Variants in ALCAM observed in about 807,000 individuals in gnomAD.
The protein encoded by ALCAM is CD166 antigen.
ALCAM carries 30 observed loss-of-function variants against 70.9 expected under a neutral mutation model. That is an observed-to-expected ratio of 0.42 (90% CI 0.32 to 0.57). The LOEUF is 0.57. Among genes scored for constraint, ALCAM ranks in the 20% least tolerant of loss-of-function variants. ALCAM has a pLI of 0.11. For synonymous variants in ALCAM, 249 were observed against 242.5 expected, an observed-to-expected ratio of 1.03 and a Z score of -0.25; for missense variants, 591 against 695.1, an observed-to-expected ratio of 0.85 and a Z score of 1.68.
chr3:105,377,076 G>A (rs1413604993), intron 1 of ALCAM, among the ~76,000 whole-genome samples: 1 of 152,012 alleles, frequency 6.6e-6, no homozygotes, highest in South Asian at 2.1e-4. Flanking sequence ...AAAAAATAAA[G>A]TGGAAACATA....
chr3:105,541,917 A>C, intron 8 of ALCAM, 152 bp downstream of exon 8: 2 of 1,052,870 alleles, frequency 1.9e-6, no homozygotes, highest in Non-Finnish European at 1.4e-6. Flanking sequence ...GGATAAGCTC[A>C]ACTTTGTCCA....
intron 1 of ALCAM, among the ~76,000 whole-genome samples, chr3:105,501,138 C>T (rs757044074): frequency 2.6e-5 from 4 of 152,130 alleles, no homozygotes; most frequent in Admixed American, 6.5e-5. Flanking sequence ...GCGAGTGCTT[C>T]GAAGGCTCTG....
At chr3:105,553,322 A>G (rs1245424929) in intron 14 of ALCAM, among the ~76,000 whole-genome samples, 1 of 151,826 alleles carries the variant, frequency 6.6e-6, no homozygotes, top group African/African-American at 2.4e-5. Flanking sequence ...CTAGATTCAG[A>G]TACCATTGAT....
intron 2 of ALCAM, 47 bp from the exon 3 acceptor site, chr3:105,524,242 C>T (rs1270915465): frequency 1.4e-6 from 2 of 1,449,530 alleles, no homozygotes; most frequent in Non-Finnish European, 9.5e-7. Context: ...AATCCTGAAA[C>T]ATCTGAATAT....
intron 1 of ALCAM, among the ~76,000 whole-genome samples, chr3:105,398,289 C>A (rs144719742): frequency 6.6e-6 from 1 of 152,080 alleles, no homozygotes; most frequent in Non-Finnish European, 1.5e-5. Flanking sequence ...GCAGCTCCCC[C>A]TCTTTCATTT....
intron 1 of ALCAM, among the ~76,000 whole-genome samples, chr3:105,455,920 C>G (rs576892745): frequency 2.6e-5 from 4 of 152,232 alleles, no homozygotes; most frequent in African/African-American, 9.6e-5. Flanking sequence ...GGAAACCCAT[C>G]TCTACTAAAA....
At position 105,427,689 on chromosome 3, in the gene ALCAM, T is replaced by C. The variant is rs867358221; in HGVS notation, c.73+60208T>C. ...GTACAATGTTTTTTACTCTGTGAAA[T>C]TGTAGGTAGAGTTTGGGTGTCTTTG... On this transcript the variant is annotated intron_variant, in intron 1 of 15. Transcript: ENST00000306107. Among the ~76,000 whole-genome samples the C allele has an allele frequency of 3.3e-5, 5 of 151,982 alleles. No individual in the cohort carries two copies. The South Asian group carries it at 1.0e-3, about 32-fold the overall frequency.
intron 14 of ALCAM, among the ~76,000 whole-genome samples, chr3:105,558,546 C>T (rs77960320): frequency 0.01 from 1,544 of 152,180 alleles, 18 homozygotes; most frequent in Middle Eastern, 0.027. Context: ...GGCATACTTA[C>T]GGGATACCCC....
intron 1 of ALCAM, among the ~76,000 whole-genome samples, chr3:105,495,539 G>A (rs1382223421): frequency 1.3e-5 from 2 of 151,916 alleles, no homozygotes; most frequent in African/African-American, 4.8e-5. Flanking sequence ...TTTAAACTCA[G>A]GCAATGAAAT....
chr3:105,414,001 A>C (rs1159446712), intron 1 of ALCAM, among the ~76,000 whole-genome samples: 1 of 152,246 alleles, frequency 6.6e-6, no homozygotes, highest in East Asian at 1.9e-4. Flanking sequence ...GGGGATGATG[A>C]ATGTTAATAA....
At chr3:105,512,845 A>G (rs993162646) in intron 1 of ALCAM, among the ~76,000 whole-genome samples, 8 of 151,918 alleles carry the variant, frequency 5.3e-5, no homozygotes, top group Non-Finnish European at 1.0e-4. Flanking sequence ...TCAAATCCTA[A>G]TTAGAAGTAT....
intron 1 of ALCAM, among the ~76,000 whole-genome samples, chr3:105,385,087 A>G (rs1935616840): frequency 6.6e-6 from 1 of 151,624 alleles, no homozygotes; most frequent in Non-Finnish European, 1.5e-5. Context: ...GATTCTTGGC[A>G]TGTAATCTAG....
chr3:105,562,625 G>C (rs895298728), intron 14 of ALCAM, among the ~76,000 whole-genome samples: 3 of 151,954 alleles, frequency 2.0e-5, no homozygotes, highest in Non-Finnish European at 2.9e-5. Context: ...ATCAAGTTTT[G>C]GTACTAGAAT....
At chr3:105,439,337 C>T (rs1288029828) in intron 1 of ALCAM, 1 of 151,946 alleles carries the variant, frequency 6.6e-6, no homozygotes. Context: ...AATCCCAGAG[C>T]AGTCATTATT....
intron 1 of ALCAM, among the ~76,000 whole-genome samples, chr3:105,496,919 T>G (rs955869649): frequency 3.3e-5 from 5 of 151,668 alleles, no homozygotes; most frequent in African/African-American, 1.2e-4. Flanking sequence ...AATGAAGAAG[T>G]GTAATAAAAT....
chr3:105,400,856 T>A (rs1401716102), intron 1 of ALCAM, among the ~76,000 whole-genome samples: 1 of 152,196 alleles, frequency 6.6e-6, no homozygotes, highest in Non-Finnish European at 1.5e-5. Context: ...GTTACATCAG[T>A]CTTTGGATAC....
chr3:105,492,683 T>C (rs990892275), intron 1 of ALCAM, among the ~76,000 whole-genome samples: 1 of 152,198 alleles, frequency 6.6e-6, no homozygotes, highest in Non-Finnish European at 1.5e-5. Context: ...AAAAATGTAA[T>C]AATACATTAG....
intron 7 of ALCAM, among the ~76,000 whole-genome samples, chr3:105,540,552 A>G (rs1245334425): frequency 6.6e-6 from 1 of 151,924 alleles, no homozygotes; most frequent in African/African-American, 2.4e-5. Context: ...TTTGGTCATT[A>G]TGTATAATCT....
chr3:105,376,072 TG>T (rs1935370313), intron 1 of ALCAM, among the ~76,000 whole-genome samples: 1 of 151,972 alleles, frequency 6.6e-6, no homozygotes, highest in Admixed American at 6.6e-5. Context: ...GTTCAGTGTG[TG>T]TGAGTTTGTG....
Sources: allele counts gnomAD v4.1 joint callset (sites outside exome capture counted in the v4.1 genomes callset), GRCh38; gene constraint gnomAD v4.1.1; transcripts MANE v1.5; gene names NCBI Gene and HGNC (gene_info 2026-07-23, HGNC 2026-07-21).